The following VWA8 variants were observed in gnomAD, a reference collection of about 807,000 sequenced individuals.
VWA8 encodes von Willebrand factor A domain containing 8.
Under a neutral mutation model 241.5 loss-of-function variants are expected in VWA8, and 221 were observed. The ratio of observed to expected loss-of-function variants is 0.91; its 90% confidence interval spans 0.82 to 1.02. VWA8 has a LOEUF of 1.02. VWA8 is among the 50% of genes least tolerant of loss of function. The pLI is 0.00. For synonymous variants in VWA8, 852 were observed against 827.1 expected (o/e 1.03, Z -0.52); for missense variants, 2,322 against 2,328.7 (o/e 1.00, Z 0.06).
At chr13:41,633,150 A>G (rs1431517109) in intron 37 of VWA8, among the ~76,000 whole-genome samples, 1 of 152,230 alleles carries the variant, frequency 6.6e-6, no homozygotes, top group Non-Finnish European at 1.5e-5. Context: ...GTATGTGCAT[A>G]TGTATATATA....
chr13:41,574,706 C>G (rs919494973), intron 43 of VWA8, among the ~76,000 whole-genome samples: 1 of 152,122 alleles, frequency 6.6e-6, no homozygotes, highest in African/African-American at 2.4e-5. Flanking sequence ...CAGCATGGTA[C>G]TGGTATAAAA....
At chr13:41,637,947 A>C (rs1277697322) in intron 37 of VWA8, among the ~76,000 whole-genome samples, 1 of 152,240 alleles carries the variant, frequency 6.6e-6, no homozygotes, top group Non-Finnish European at 1.5e-5. Flanking sequence ...TTTTAGTTCT[A>C]GTTCTACCAC....
At chr13:41,913,386 T>C (rs1415636852) in intron 2 of VWA8, among the ~76,000 whole-genome samples, 92 of 152,240 alleles carry the variant, frequency 6.0e-4, no homozygotes, top group Non-Finnish European at 1.3e-4. Context: ...CAGTGTTTAT[T>C]ATGTTGCATT....
Position 41,703,108 on chromosome 13 carries a change from C to T in VWA8, c.3225+195G>A, listed in dbSNP as rs571426269. On this transcript the variant is annotated intron_variant, in intron 27 of 44. Coordinates refer to ENST00000379310, the MANE Select transcript of VWA8 (RefSeq NM_015058.2). The stretch of plus-strand genomic sequence containing the variant: ...TGTAACATACCTGACTCTCATCATC[C>T]AATTAGCTCTTTAGAAATTCTATTT... Among the ~76,000 whole-genome samples, 338 of 152,264 alleles carry T rather than the reference C, an allele frequency of 2.2e-3. 1 individual carries two copies. Among genetic ancestry groups the T allele is most frequent in the Middle Eastern group, 6.8e-3 (2 of 294 alleles).
Position 41,570,509 on chromosome 13 carries a change from A to C in VWA8, c.5568T>G (p.Ala1856=), listed in dbSNP as rs1349952618. The C allele has an allele frequency of 7.4e-6, 12 of 1,614,102 alleles. No homozygotes were observed. The highest frequency in any genetic ancestry group is 8.5e-6 in the Non-Finnish European group (10 of 1,180,046). ...QILTRDPQVN[A]FAIFIGSLGD... is the part of the protein sequence containing the mutation. ...CTAAAGAGCCAATAAAAATGGCAAA[A>C]GCATTTACTTGAGGGTCTCTTGTGA... is the stretch of plus-strand genomic sequence containing the variant. The change falls in exon 44 of 45, where the codon GCT becomes GCG. Residue 1856 remains alanine (A), a synonymous_variant. Coordinates refer to ENST00000379310, the MANE Select transcript of VWA8 (RefSeq NM_015058.2).
At chr13:41,823,165 A>G (rs1871033997) in intron 14 of VWA8, among the ~76,000 whole-genome samples, 1 of 152,150 alleles carries the variant, frequency 6.6e-6, no homozygotes, top group African/African-American at 2.4e-5. Context: ...AAGAAATACC[A>G]AGATTTCTAG....
At position 41,570,547 on chromosome 13, in the gene VWA8, A is replaced by C. The variant is rs1426500935; in HGVS notation, c.5530T>G (p.Phe1844Val). 1.2e-6 allele frequency: 2 copies of C among 1,614,192 alleles called. No individual in the cohort carries two copies. Among genetic ancestry groups the C allele is most frequent in the Admixed American group, 1.7e-5 (1 of 60,018 alleles). ...GGGTCTCTTGTGAGGATTTGAGCAA[A>C]CTTAGCAGGATGTATTCCATATCGT... Reference protein sequence around the residue: ...LSRYGIHPAKFAQILTRDPQV... With the variant: ...LSRYGIHPAKVAQILTRDPQV... Residue 1844 changes from phenylalanine (F) to valine (V), a missense_variant, in exon 44 of 45, where the codon TTT (phenylalanine) becomes GTT (valine). By Grantham distance (50) the Phe-to-Val change is conservative. Transcript: ENST00000379310.
chr13:41,573,486 AATATATAT>A (rs1555303590), intron 43 of VWA8, among the ~76,000 whole-genome samples: 4 of 113,614 alleles, frequency 3.5e-5, no homozygotes, highest in African/African-American at 1.0e-4. Flanking sequence ...AAAAAAAAAA[AATATATAT>A]ATATATATAT....
chr13:41,936,716 T>C (rs775427882), intron 2 of VWA8, among the ~76,000 whole-genome samples: 1 of 152,196 alleles, frequency 6.6e-6, no homozygotes, highest in Non-Finnish European at 1.5e-5. Context: ...AACAATGTAT[T>C]GCATACTTGA....
At chr13:41,854,141 A>G in intron 12 of VWA8, among the ~76,000 whole-genome samples, 1 of 152,150 alleles carries the variant, frequency 6.6e-6, no homozygotes, top group Non-Finnish European at 1.5e-5. Flanking sequence ...ACTGTAATCC[A>G]TCCATGTTTT....
chr13:41,648,610 C>T, intron 37 of VWA8, among the ~76,000 whole-genome samples: 1 of 152,198 alleles, frequency 6.6e-6, no homozygotes, highest in East Asian at 1.9e-4. Flanking sequence ...AACAATAGCT[C>T]TTGCTTGAAG....
In VWA8 at chr13:41,922,430, A is replaced by G. The variant is rs535992628; in HGVS notation, c.242-10262T>C. 3.6e-3 allele frequency among the ~76,000 whole-genome samples: 555 copies of G among 152,366 alleles called. 2 individuals are homozygous for G. Among genetic ancestry groups the G allele is most frequent in the African/African-American group, 0.013 (525 of 41,584 alleles). ...AATGGCAACGGAAGCCAAAATTGAC[A>G]AATGGGATCTAATTAAACTAAATAC... On this transcript the variant is annotated intron_variant, in intron 2 of 44. Transcript: ENST00000379310.
intron 21 of VWA8, among the ~76,000 whole-genome samples, chr13:41,740,050 T>C (rs2045557816): frequency 6.6e-6 from 1 of 151,818 alleles, no homozygotes; most frequent in South Asian, 2.1e-4. Flanking sequence ...AGAGACGGGG[T>C]TTCACTGTGT....
intron 9 of VWA8, among the ~76,000 whole-genome samples, chr13:41,871,672 A>G (rs1296265700): frequency 1.3e-5 from 2 of 152,112 alleles, no homozygotes; most frequent in Non-Finnish European, 1.5e-5. Context: ...TCCATGGTGT[A>G]TATGTGCCAC....
At chr13:41,692,759 A>T in intron 30 of VWA8, 103 bp downstream of exon 30, 1 of 787,312 alleles carries the variant, frequency 1.3e-6, no homozygotes, top group Non-Finnish European at 2.1e-6. Flanking sequence ...CTTGTGCATT[A>T]CAACAAAAAA....
At chr13:41,679,402 C>A (rs1382556758) in intron 35 of VWA8, among the ~76,000 whole-genome samples, 1 of 152,164 alleles carries the variant, frequency 6.6e-6, no homozygotes, top group Admixed American at 6.6e-5. Context: ...CTGGGTTTAA[C>A]ACACTTCTGT....
At chr13:41,708,147 C>T (rs2045294133) in intron 26 of VWA8, among the ~76,000 whole-genome samples, 1 of 151,952 alleles carries the variant, frequency 6.6e-6, no homozygotes, top group Admixed American at 6.6e-5. Flanking sequence ...CACCTGAGGT[C>T]GGGAGTTCGA....
intron 21 of VWA8, among the ~76,000 whole-genome samples, chr13:41,758,392 A>ATT (rs1566444695): frequency 4.7e-4 from 7 of 14,858 alleles, no homozygotes; most frequent in African/African-American, 1.1e-3. Context: ...ATATATATAT[A>ATT]CGCTAGTATA....
Position 41,727,350 on chromosome 13 carries a change from T to C in VWA8, c.2639-37A>G, listed in dbSNP as rs199963173. 1.1e-5 allele frequency: 14 copies of C among 1,239,812 alleles called. No homozygotes were observed. The Admixed American group carries it at 3.3e-4, about 29-fold the overall frequency. 76.8% of individuals were successfully genotyped at this position (1,239,812 alleles called of 1,614,324 possible). ...AATTTGTTTATTCTTTATCAATATT[T>C]AATAATTCTTAAAAATATCAAGCAA... On this transcript the variant is annotated intron_variant, in intron 23 of 44. Coordinates refer to ENST00000379310, the MANE Select transcript of VWA8 (RefSeq NM_015058.2).
Sources: gnomAD v4.1 joint callset for allele counts (sites outside exome capture counted in the v4.1 genomes callset) on GRCh38, gnomAD v4.1.1 for gene constraint, MANE v1.5 for transcripts, NCBI Gene and HGNC (gene_info 2026-07-23, HGNC 2026-07-21) for gene names.